The following GABRP variants were observed in gnomAD, a reference collection of about 807,000 sequenced individuals.
GABRP encodes the protein gamma-aminobutyric acid receptor subunit pi.
GABRP carries 52 observed loss-of-function variants against 47.8 expected under a neutral mutation model. That is an observed-to-expected ratio of 1.09 (90% confidence interval 0.87 to 1.37). GABRP has a LOEUF of 1.37. Among genes scored for constraint, GABRP ranks in the 40% most tolerant of loss-of-function variants. The pLI is 0.00. For missense variants in GABRP, 525 were observed against 542.8 expected, an observed-to-expected ratio of 0.97 and a Z score of 0.33; for synonymous variants, 221 against 205.8, an observed-to-expected ratio of 1.07 and a Z score of -0.63.
intron 6 of GABRP, among the ~76,000 whole-genome samples, chr5:170,802,053 TA>T (rs894889590): frequency 1.3e-5 from 2 of 152,100 alleles, no homozygotes; most frequent in South Asian, 4.2e-4. Context: ...TTCCAACTTT[TA>T]AAAAAAATTG....
chr5:170,803,742 G>GTGGC (rs577638395), intron 6 of GABRP, among the ~76,000 whole-genome samples: 1 of 148,014 alleles, frequency 6.8e-6, no homozygotes, highest in African/African-American at 2.5e-5. Context: ...CATGCACTAT[G>GTGGC]TGGTTGGTTG....
At chr5:170,790,650 T>C (rs1481573573) in intron 3 of GABRP, among the ~76,000 whole-genome samples, 1 of 150,742 alleles carries the variant, frequency 6.6e-6, no homozygotes, top group South Asian at 2.1e-4. Flanking sequence ...GGAAGGGAGG[T>C]TGGGTGGAAG....
chr5:170,785,261 A>T (rs1032924715), intron 1 of GABRP, among the ~76,000 whole-genome samples: 3 of 152,232 alleles, frequency 2.0e-5, no homozygotes, highest in African/African-American at 4.8e-5. Flanking sequence ...GGGGTGCTGA[A>T]GGCCCTCCTC....
intron 7 of GABRP, among the ~76,000 whole-genome samples, chr5:170,807,845 C>T (rs1409241784): frequency 1.3e-5 from 2 of 152,112 alleles, no homozygotes; most frequent in Non-Finnish European, 2.9e-5. Flanking sequence ...CTCCCATTCA[C>T]CATCCTGTTT....
intron 8 of GABRP, among the ~76,000 whole-genome samples, chr5:170,809,333 C>T (rs1178475751): frequency 6.6e-6 from 1 of 152,046 alleles, no homozygotes; most frequent in African/African-American, 2.4e-5. Context: ...TATTTATCAC[C>T]CCCTCCCAGG....
At chr5:170,785,122 C>T (rs1381617249) in intron 1 of GABRP, among the ~76,000 whole-genome samples, 1 of 152,198 alleles carries the variant, frequency 6.6e-6, no homozygotes, top group Non-Finnish European at 1.5e-5. Flanking sequence ...ACGATTGGCT[C>T]GTCTACCACA....
At chr5:170,794,147 T>G in intron 3 of GABRP, 84 bp from the exon 4 acceptor site, 1 of 818,404 alleles carries the variant, frequency 1.2e-6, no homozygotes, top group Admixed American at 2.9e-5. Flanking sequence ...TTTTGTAATT[T>G]TAATCTTTTT....
At chr5:170,799,561 T>C (rs150927487) in intron 6 of GABRP, among the ~76,000 whole-genome samples, 3,200 of 152,340 alleles carry the variant, frequency 0.021, 53 homozygotes, top group Non-Finnish European at 0.032. Flanking sequence ...ATGTGTCTTT[T>C]GGCTGCACAA....
chr5:170,792,451 AAAG>A lies in GABRP; in HGVS notation c.173-1777_173-1775del, dbSNP rs1453269183. Among the ~76,000 whole-genome samples the A allele has an allele frequency of 1.1e-3, 104 of 92,302 alleles. No individual in the cohort carries two copies. In the East Asian group the frequency reaches 0.026, roughly 23 times the overall value. The allele number at this position is 92,302 out of a possible 152,430, so 60.6% of individuals were successfully genotyped here. A position where few individuals can be genotyped will look rare whatever the true frequency, so the allele number is the denominator to read the frequency against. ...GAGGGAGACTCCATCTCAAAAAAAA[AAAG>A]AAAGAAAGAAAGACAGAAAAAGAAG... On this transcript the variant is annotated intron_variant, in intron 3 of 9. Coordinates refer to ENST00000265294, the MANE Select transcript of GABRP (RefSeq NM_014211.3).
chr5:170,800,400 C>T (rs1252769805), intron 6 of GABRP, among the ~76,000 whole-genome samples: 1 of 152,162 alleles, frequency 6.6e-6, no homozygotes, highest in East Asian at 1.9e-4. Flanking sequence ...TAGAAGAAAA[C>T]CTAAGCAATA....
chr5:170,789,099 C>A, intron 2 of GABRP, 30 bp from the exon 3 acceptor site: 2 of 1,557,844 alleles, frequency 1.3e-6, no homozygotes, highest in Non-Finnish European at 8.9e-7. Flanking sequence ...CATAAACAAG[C>A]AAACACAACA....
intron 4 of GABRP, 91 bp from the exon 5 acceptor site, chr5:170,795,117 G>A: frequency 1.2e-6 from 1 of 859,586 alleles, no homozygotes; most frequent in East Asian, 2.4e-5. Context: ...GAGGTGGGGA[G>A]GGGAGTAAAC....
In GABRP at chr5:170,797,459, CT is replaced by C. The variant is rs1765460680; in HGVS notation, c.459-6del. 1.9e-6 allele frequency: 3 copies of C among 1,592,258 alleles called. No individual in the cohort carries two copies. The South Asian group carries it at 3.3e-5, about 18-fold the overall frequency. ...ATACTGTTTTTGAACCTGTTTTTCC[CT>C]CTTAGAATCACGACAACTGTTGCAT... On this transcript the variant is annotated splice_polypyrimidine_tract_variant and splice_region_variant and intron_variant, in intron 5 of 9. Transcript: ENST00000265294.
In GABRP at chr5:170,812,277, G is replaced by T. The variant is rs766499726; in HGVS notation, c.*19G>T. Reference sequence around the variant, plus strand: ...TTTTTGAGTCAATGTTAAATTTCTTGCATGCCATAGGTCTTCAACAGGACA... The same window carrying T: ...TTTTTGAGTCAATGTTAAATTTCTTTCATGCCATAGGTCTTCAACAGGACA... On this transcript the variant is annotated 3_prime_UTR_variant, in exon 10 of 10. Coordinates refer to ENST00000265294, the MANE Select transcript of GABRP (RefSeq NM_014211.3). 4.8e-5 allele frequency: 77 copies of T among 1,592,142 alleles called. 1 individual carries two copies. The South Asian group carries it at 6.3e-4, about 13-fold the overall frequency.
chr5:170,809,460 C>G, intron 8 of GABRP, 108 bp from the exon 9 acceptor site: 1 of 1,013,720 alleles, frequency 9.9e-7, no homozygotes. Flanking sequence ...CATTCCATTT[C>G]TGGGTCTTGC....
chr5:170,805,899 G>A (rs1444719709), intron 7 of GABRP, 46 bp downstream of exon 7: 2 of 1,597,028 alleles, frequency 1.3e-6, no homozygotes, highest in Non-Finnish European at 8.6e-7. Context: ...AGTGAACTGA[G>A]GTGTAGGGTT....
chr5:170,792,988 AGGG>A (rs1382341228), intron 3 of GABRP, among the ~76,000 whole-genome samples: 1 of 152,064 alleles, frequency 6.6e-6, no homozygotes, highest in Non-Finnish European at 1.5e-5. Flanking sequence ...TACGGAAGAG[AGGG>A]GGAAGGGAAG....
At chr5:170,790,290 C>T (rs771886209) in intron 3 of GABRP, among the ~76,000 whole-genome samples, 2 of 152,150 alleles carry the variant, frequency 1.3e-5, no homozygotes, top group Non-Finnish European at 2.9e-5. Flanking sequence ...AGTGGTTTAG[C>T]CTTCTGTGCC....
At chr5:170,789,085 C>G (rs1240237512) in intron 2 of GABRP, 44 bp from the exon 3 acceptor site, 2 of 1,476,596 alleles carry the variant, frequency 1.4e-6, no homozygotes, top group Non-Finnish European at 1.9e-6. Context: ...CGTGTTGATT[C>G]ACACATAAAC....
Sources: gnomAD v4.1 joint callset for allele counts (sites outside exome capture counted in the v4.1 genomes callset) on GRCh38, gnomAD v4.1.1 for gene constraint, MANE v1.5 for transcripts, NCBI Gene and HGNC (gene_info 2026-07-23, HGNC 2026-07-21) for gene names.